Variants in SLC22A4 observed in about 807,000 individuals in gnomAD.
The protein encoded by SLC22A4 is ET transporter.
Under a neutral mutation model 56.6 loss-of-function variants are expected in SLC22A4, and 39 were observed. The ratio of observed to expected loss-of-function variants is 0.69; its 90% CI spans 0.53 to 0.90. The LOEUF is 0.90. Ranked by LOEUF, SLC22A4 falls within the 40% of genes least tolerant of loss-of-function variation. SLC22A4 has a pLI of 0.00. For missense variants in SLC22A4, 594 were observed against 696.5 expected (o/e 0.85, Z 1.66); for synonymous variants, 241 against 281.4 (o/e 0.86, Z 1.44).
intron 8 of SLC22A4, among the ~76,000 whole-genome samples, chr5:132,337,074 A>G (rs1479752632): frequency 1.3e-5 from 2 of 151,950 alleles, no homozygotes; most frequent in Non-Finnish European, 2.9e-5. Flanking sequence ...CTATGCTCCT[A>G]CACCCTTTGT....
At chr5:132,300,240 TAC>T (rs1312843954) in intron 1 of SLC22A4, among the ~76,000 whole-genome samples, 4 of 152,246 alleles carry the variant, frequency 2.6e-5, no homozygotes, top group African/African-American at 9.6e-5. Context: ...TGTGTCTTAT[TAC>T]TGGTGATGTT....
At chr5:132,324,345 A>G (rs1017916243) in intron 4 of SLC22A4, 12 of 357,294 alleles carry the variant, frequency 3.4e-5, no homozygotes, top group African/African-American at 2.6e-4. Context: ...AGGAACGAAC[A>G]GCTCTGATCC....
intron 1 of SLC22A4, among the ~76,000 whole-genome samples, chr5:132,309,041 C>T (rs1750113385): frequency 6.6e-6 from 1 of 152,210 alleles, no homozygotes. Flanking sequence ...TCACTGTTAA[C>T]CACAGGGAGG....
In SLC22A4 at chr5:132,320,241, C is replaced by A. The variant is rs1750490959; in HGVS notation, c.653-1943C>A. On this transcript the variant is annotated intron_variant, in intron 3 of 9. Transcript: ENST00000200652. Reference sequence around the variant, plus strand: ...AGTAGTATAACTTCTCTTTTCTTAACAAGGTCATGAAGGTAGGAGAAAGCT... The same window carrying A: ...AGTAGTATAACTTCTCTTTTCTTAAAAAGGTCATGAAGGTAGGAGAAAGCT... Among the ~76,000 whole-genome samples, 3 of 152,328 alleles carry A rather than the reference C, an allele frequency of 2.0e-5. No homozygotes were observed. The South Asian group carries it at 6.2e-4, about 32-fold the overall frequency.
intron 1 of SLC22A4, 116 bp downstream of exon 1, chr5:132,295,125 G>C: frequency 8.6e-7 from 1 of 1,166,456 alleles, no homozygotes; most frequent in Non-Finnish European, 1.3e-6. Flanking sequence ...CCTCAAACCT[G>C]CTGTTCATAC....
intron 3 of SLC22A4, chr5:132,321,103 C>G (rs1290153979): frequency 6.6e-6 from 1 of 152,388 alleles, no homozygotes; most frequent in Non-Finnish European, 1.5e-5. Flanking sequence ...AAAGCAGTGC[C>G]CGCACCAAGC....
intron 4 of SLC22A4, among the ~76,000 whole-genome samples, chr5:132,326,325 C>T (rs763855778): frequency 2.6e-5 from 4 of 152,176 alleles, no homozygotes; most frequent in Non-Finnish European, 5.9e-5. Flanking sequence ...AACACAAAAC[C>T]TATTTTATAA....
intron 1 of SLC22A4, among the ~76,000 whole-genome samples, chr5:132,297,680 A>C (rs1441923042): frequency 6.6e-6 from 1 of 152,068 alleles, no homozygotes; most frequent in Admixed American, 6.5e-5. Flanking sequence ...AAAAGAAAAA[A>C]AAAACACCCA....
chr5:132,332,569 A>G (rs886943051), intron 6 of SLC22A4, among the ~76,000 whole-genome samples: 1 of 152,178 alleles, frequency 6.6e-6, no homozygotes, highest in African/African-American at 2.4e-5. Flanking sequence ...CTAGATCCCC[A>G]TTGCCTGGAT....
intron 2 of SLC22A4, 130 bp from the exon 3 acceptor site, chr5:132,313,484 A>T (rs1053861585): frequency 7.4e-6 from 6 of 812,906 alleles, no homozygotes; most frequent in African/African-American, 1.7e-5. Context: ...AGATGGGAGG[A>T]TGTGACAGAG....
Position 132,340,505 on chromosome 5 carries a change from T to A in SLC22A4, c.1445-60T>A, listed in dbSNP as rs528244474. 24 of 1,535,682 alleles carry A rather than the reference T, an allele frequency of 1.6e-5. 1 individual carries two copies. The South Asian group carries it at 2.6e-4, about 16-fold the overall frequency. On this transcript the variant is annotated intron_variant, in intron 8 of 9. Coordinates refer to ENST00000200652, the MANE Select transcript of SLC22A4 (RefSeq NM_003059.3). ...GTTCACCAACTTCACAAAATGATGC[T>A]CAAGAGTGCCCAGAGAGTCCTCCTA...
chr5:132,324,363 C>T (rs1372371605), intron 4 of SLC22A4: 2 of 377,638 alleles, frequency 5.3e-6, no homozygotes, highest in African/African-American at 4.2e-5. Context: ...TCCATTAGCC[C>T]TCCAGAGTCA....
At position 132,294,471 on chromosome 5, in the gene SLC22A4, C is replaced by A. The variant is rs1749725932; in HGVS notation, c.-146C>A. On this transcript the variant is annotated 5_prime_UTR_variant, in exon 1 of 10. Coordinates refer to ENST00000200652, the MANE Select transcript of SLC22A4 (RefSeq NM_003059.3). The surrounding 1 kb of genome is among the most constrained non-coding windows in gnomAD (Gnocchi z 5.6). ...CTTCAGCCTGTTTCCCAGGAACGGTCCCCGGCTTCGCGCCCCAATTTCTAA... is the reference window on the plus strand; with the variant it reads ...CTTCAGCCTGTTTCCCAGGAACGGTACCCGGCTTCGCGCCCCAATTTCTAA... 6.2e-6 allele frequency: 7 copies of A among 1,135,364 alleles called. No individual in the cohort carries two copies. Among genetic ancestry groups the A allele is most frequent in the Middle Eastern group, 5.7e-4 (2 of 3,526 alleles). The allele number at this position is 1,135,364 out of a possible 1,614,324, so 70.3% of individuals were successfully genotyped here.
chr5:132,299,014 C>T (rs1749843937), intron 1 of SLC22A4, among the ~76,000 whole-genome samples: 1 of 152,214 alleles, frequency 6.6e-6, no homozygotes, highest in Admixed American at 6.5e-5. Flanking sequence ...AAGCCCAGGG[C>T]CCCTGAGAAG....
chr5:132,320,382 T>G (rs1252400149), intron 3 of SLC22A4, among the ~76,000 whole-genome samples: 2 of 152,230 alleles, frequency 1.3e-5, no homozygotes, highest in Non-Finnish European at 2.9e-5. Context: ...TTCTATTTAT[T>G]TCCACATCAC....
chr5:132,336,211 G>A lies in SLC22A4; in HGVS notation c.1444+211G>A, dbSNP rs114722335. 4.7e-3 allele frequency among the ~76,000 whole-genome samples: 708 copies of A among 152,140 alleles called. 2 individuals carry two copies. Among genetic ancestry groups the A allele is most frequent in the Non-Finnish European group, 7.8e-3 (528 of 67,998 alleles). On this transcript the variant is annotated intron_variant, in intron 8 of 9. Coordinates refer to ENST00000200652, the MANE Select transcript of SLC22A4 (RefSeq NM_003059.3). Reference sequence around the variant, plus strand: ...GTTTTGCACAACATCATGTACACAGGTATGTATATAATTTTTTAAACACAC... The same window carrying A: ...GTTTTGCACAACATCATGTACACAGATATGTATATAATTTTTTAAACACAC...
chr5:132,334,976 C>A, intron 7 of SLC22A4, 44 bp downstream of exon 7: 4 of 1,326,858 alleles, frequency 3.0e-6, no homozygotes, highest in East Asian at 2.3e-5. Context: ...AAAAGACCCA[C>A]ATATTGACTA....
chr5:132,337,424 A>T lies in SLC22A4; in HGVS notation c.1444+1424A>T, dbSNP rs1279867294. ...ACTAGCTGGAACTACAGGCATGCAC[A>T]CCGTCAAGCCCAGCTAATTTTTTTT... On this transcript the variant is annotated intron_variant, in intron 8 of 9. Coordinates refer to ENST00000200652, the MANE Select transcript of SLC22A4 (RefSeq NM_003059.3). Among the ~76,000 whole-genome samples, 4 of 151,172 alleles carry T rather than the reference A, an allele frequency of 2.6e-5. No individual in the cohort carries two copies. In the East Asian group the frequency reaches 5.8e-4, roughly 22 times the overall value.
At chr5:132,329,017 C>T (rs1332246211) in intron 5 of SLC22A4, among the ~76,000 whole-genome samples, 6 of 151,768 alleles carry the variant, frequency 4.0e-5, no homozygotes, top group African/African-American at 1.2e-4. Flanking sequence ...AATGTAGCCT[C>T]GACCTCGACC....
Sources: gnomAD v4.1 joint callset for allele counts (sites outside exome capture counted in the v4.1 genomes callset) on GRCh38, gnomAD v4.1.1 for gene constraint, Gnocchi (gnomAD v3.1) non-coding constraint, MANE v1.5 for transcripts, NCBI Gene and HGNC (gene_info 2026-07-23, HGNC 2026-07-21) for gene names.